Variants in FOXN4 observed in about 807,000 individuals in gnomAD.
FOXN4 encodes forkhead box N4, also known as forkhead box protein N4.
FOXN4 carries 12 observed loss-of-function variants against 45.0 expected under a neutral mutation model. The ratio of observed to expected loss-of-function variants is 0.27; its 90% CI spans 0.17 to 0.43. The LOEUF (loss-of-function observed/expected upper bound fraction) is 0.43. Ranked by LOEUF, FOXN4 falls within the 20% of genes least tolerant of loss-of-function variation. The pLI is 1.00. For missense variants in FOXN4, 560 were observed against 694.9 expected (o/e 0.81, Z 2.18); for synonymous variants, 297 against 295.0 (o/e 1.01, Z -0.07).
chr12:109,285,335 C>T lies in FOXN4; in HGVS notation c.870G>A (p.Leu290=). Residue 290 remains leucine (L), a synonymous_variant, in exon 8 of 10, where the codon CTG becomes CTA. Coordinates refer to ENST00000299162, the MANE Select transcript of FOXN4 (RefSeq NM_213596.3). ...TGGCCATACTCCGGTGGATGGCAGC[C>T]AGGTCCTTCCTCTTCCACTTGTGCA... ...EEMHKWKRKD[L]AAIHRSMANP... is the part of the protein sequence containing the mutation. The T allele has an allele frequency of 6.2e-7, 1 of 1,612,952 alleles. No homozygotes were observed. The highest frequency in any genetic ancestry group is 8.5e-7 in the Non-Finnish European group (1 of 1,179,618).
chr12:109,304,503 G>A (rs532714048), intron 2 of FOXN4, among the ~76,000 whole-genome samples: 11 of 152,260 alleles, frequency 7.2e-5, no homozygotes, highest in Admixed American at 3.3e-4. Flanking sequence ...CCTGTTTACC[G>A]TTGCCCAAGA....
At chr12:109,298,688 G>C (rs2047841693) in intron 2 of FOXN4, among the ~76,000 whole-genome samples, 1 of 152,126 alleles carries the variant, frequency 6.6e-6, no homozygotes, top group African/African-American at 2.4e-5. Context: ...TTGATGCAAA[G>C]ACCCCGACAT....
At chr12:109,280,835 T>G (rs756824848) in intron 9 of FOXN4, among the ~76,000 whole-genome samples, 1 of 152,186 alleles carries the variant, frequency 6.6e-6, no homozygotes, top group African/African-American at 2.4e-5. Flanking sequence ...TCACGTCCCA[T>G]TTATTGGAGA....
chr12:109,304,275 GA>G (rs776180766), intron 2 of FOXN4, among the ~76,000 whole-genome samples: 3 of 72,348 alleles, frequency 4.1e-5, no homozygotes, highest in Non-Finnish European at 6.0e-5. Context: ...AAGAAAGAAA[GA>G]AAGAAAGAAA....
At chr12:109,304,485 G>A (rs1366975659) in intron 2 of FOXN4, among the ~76,000 whole-genome samples, 1 of 152,162 alleles carries the variant, frequency 6.6e-6, no homozygotes, top group African/African-American at 2.4e-5. Flanking sequence ...CCCACATTGA[G>A]CATGAGCCCT....
intron 2 of FOXN4, among the ~76,000 whole-genome samples, chr12:109,293,085 T>C (rs2047784022): frequency 6.6e-6 from 1 of 152,126 alleles, no homozygotes; most frequent in Non-Finnish European, 1.5e-5. Context: ...ATGATGCCCT[T>C]TCTGCTCCCT....
rs747798618 is a variant in FOXN4, at chr12:109,286,639, G to T, written c.693+9C>A. On this transcript the variant is annotated intron_variant, in intron 7 of 9. Transcript: ENST00000299162. ...AGCTCCAGCACCCCTACCCTAGCTT[G>T]GGACTCACCTTGAAGTAGGGGAAGT... The T allele has an allele frequency of 1.7e-5, 27 of 1,604,380 alleles. No homozygotes were observed. In the East Asian group the frequency reaches 6.1e-4, roughly 36 times the overall value.
rs1013162273 is a variant in FOXN4, at chr12:109,298,332, T to G, written c.87-8046A>C. On this transcript the variant is annotated intron_variant, in intron 2 of 9. Transcript: ENST00000299162. ...CCTGTACGGTTCCTTTTGTTTCAGGTTTTTTTTTTTTGTTTTTTTTTTTTG... is the reference window on the plus strand; with the variant it reads ...CCTGTACGGTTCCTTTTGTTTCAGGGTTTTTTTTTTTGTTTTTTTTTTTTG... Among the ~76,000 whole-genome samples the G allele has an allele frequency of 7.4e-5, 8 of 108,312 alleles. No individual in the cohort carries two copies. In the East Asian group the frequency reaches 1.0e-3, roughly 14 times the overall value. 71.1% of individuals were successfully genotyped at this position (108,312 alleles called of 152,430 possible).
chr12:109,299,820 G>A (rs537026794), intron 2 of FOXN4, among the ~76,000 whole-genome samples: 1 of 152,332 alleles, frequency 6.6e-6, no homozygotes, highest in South Asian at 2.1e-4. Flanking sequence ...GGTGTTACCT[G>A]TGTGCCCTTG....
In FOXN4 at chr12:109,290,374, A is replaced by G; in HGVS notation, c.87-88T>C. On this transcript the variant is annotated intron_variant, in intron 2 of 9. Coordinates refer to ENST00000299162, the MANE Select transcript of FOXN4 (RefSeq NM_213596.3). This position sits in a 1 kb window ranked among gnomAD's most constrained non-coding sequence, Gnocchi z 5.1. ...TCCCGACCTCTGGAAGCACCCGCTT[A>G]ATGTGCCTCATCTCCCCAAGCCACG... 7.0e-7 allele frequency: 1 copy of G among 1,421,280 alleles called. No homozygotes were observed. Among genetic ancestry groups the G allele is most frequent in the Non-Finnish European group, 9.3e-7 (1 of 1,074,104 alleles). 88.0% of individuals were successfully genotyped at this position (1,421,280 alleles called of 1,614,324 possible).
rs1355263124 is a variant in FOXN4, at chr12:109,290,339, TG to T, written c.87-54del. 2.0e-6 allele frequency: 3 copies of T among 1,492,466 alleles called. No homozygotes were observed. The highest frequency in any genetic ancestry group is 1.4e-5 in the African/African-American group (1 of 71,564). The allele number at this position is 1,492,466 out of a possible 1,614,324, so 92.5% of individuals were successfully genotyped here. A position where few individuals can be genotyped will look rare whatever the true frequency, so the allele number is the denominator to read the frequency against. ...GGGAGGGGGAGCTTAGGCCAGCTCC[TG>T]GGGGTGCGTCCCGACCTCTGGAAGC... On this transcript the variant is annotated intron_variant, in intron 2 of 9. Transcript: ENST00000299162. The surrounding 1 kb of genome is among the most constrained non-coding windows in gnomAD (Gnocchi z 5.1).
intron 9 of FOXN4, among the ~76,000 whole-genome samples, 194 bp downstream of exon 9, chr12:109,281,213 G>A (rs113827841): frequency 0.025 from 3,741 of 152,220 alleles, 122 homozygotes; most frequent in East Asian, 0.098. Flanking sequence ...GTGTCTTGTC[G>A]GAGCTCAAAA....
intron 8 of FOXN4, among the ~76,000 whole-genome samples, chr12:109,284,282 G>A (rs911088458): frequency 6.6e-6 from 1 of 152,240 alleles, no homozygotes; most frequent in Non-Finnish European, 1.5e-5. Flanking sequence ...TCCTGCCACT[G>A]GATAGGGTTG....
In FOXN4 at chr12:109,287,929, T is replaced by G; in HGVS notation, c.383A>C (p.Gln128Pro). The change falls in exon 5 of 10, where the codon CAG (glutamine) becomes CCG (proline). Residue 128 changes from glutamine to proline, a missense_variant. Physicochemically the swap from Gln to Pro is moderately conservative, Grantham distance 76. Transcript: ENST00000299162. The surrounding 1 kb of genome is among the most constrained non-coding windows in gnomAD (Gnocchi z 4.1). ...CGGGTCCTGCAGGCCAGATGAGGGC[T>G]GGCCCCCCACGGGGAACTGGCTCAT... Reference protein sequence around the residue: ...DSMSQFPVGGQPSSGLQDPPH... With the variant: ...DSMSQFPVGGPPSSGLQDPPH... 1 of 1,549,530 alleles carries G rather than the reference T, an allele frequency of 6.5e-7. No homozygotes were observed. The highest frequency in any genetic ancestry group is 1.7e-4 in the Middle Eastern group (1 of 5,770).
chr12:109,293,882 C>T (rs1457309142), intron 2 of FOXN4, among the ~76,000 whole-genome samples: 1 of 152,194 alleles, frequency 6.6e-6, no homozygotes, highest in Admixed American at 6.5e-5. Flanking sequence ...AGCGGTCTTC[C>T]ACCTCCTCAG....
rs896771021 is a variant in FOXN4 at position 109,287,727 on chromosome 12, T to C, written c.468+117A>G. ...AATGAATGACCCCATGACATGAGCA[T>C]GGAGGGAATGTTATCCCCATGTGCT... On this transcript the variant is annotated intron_variant, in intron 5 of 9. Coordinates refer to ENST00000299162, the MANE Select transcript of FOXN4 (RefSeq NM_213596.3). This position sits in a 1 kb window ranked among gnomAD's most constrained non-coding sequence, Gnocchi z 4.1. The C allele has an allele frequency of 6.2e-6, 7 of 1,136,018 alleles. No homozygotes were observed. Among genetic ancestry groups the C allele is most frequent in the Non-Finnish European group, 8.5e-6 (7 of 820,734 alleles). The allele number at this position is 1,136,018 out of a possible 1,614,324, so 70.4% of individuals were successfully genotyped here.
At chr12:109,284,333 C>T (rs2047680911) in intron 8 of FOXN4, among the ~76,000 whole-genome samples, 1 of 152,194 alleles carries the variant, frequency 6.6e-6, no homozygotes, top group African/African-American at 2.4e-5. Context: ...GGGAGGTTTG[C>T]CAGACGCCTG....
chr12:109,285,452 G>C lies in FOXN4; in HGVS notation c.753C>G (p.Phe251Leu). 6.2e-7 allele frequency: 1 copy of C among 1,614,046 alleles called. No individual in the cohort carries two copies. Among genetic ancestry groups the C allele is most frequent in the Non-Finnish European group, 8.5e-7 (1 of 1,179,954 alleles). ...VRHNLSLNKC[F>L]EKVENKMSGS... is the part of the protein sequence containing the mutation. ...CGCTCATCTTGTTCTCCACCTTCTC[G>C]AAGCACTTGTTCAGAGACAGGTTGT... is the stretch of plus-strand genomic sequence containing the variant. The change falls in exon 8 of 10, where the codon TTC (phenylalanine) becomes TTG (leucine). Residue 251 changes from phenylalanine (F) to leucine (L), a missense_variant. Transcript: ENST00000299162.
rs908823062 is a variant in FOXN4, at chr12:109,288,881, G to C, written c.233-701C>G. ...TCCTTCAGCTCTCTTCTGAGTTCTG[G>C]CTGCCACTGTCCCTAGATCTGTTTG... On this transcript the variant is annotated intron_variant, in intron 3 of 9. Coordinates refer to ENST00000299162, the MANE Select transcript of FOXN4 (RefSeq NM_213596.3). This position sits in a 1 kb window ranked among gnomAD's most constrained non-coding sequence, Gnocchi z 4.3. Among the ~76,000 whole-genome samples, 1 of 152,170 alleles carries C rather than the reference G, an allele frequency of 6.6e-6. No homozygotes were observed. Among genetic ancestry groups the C allele is most frequent in the Non-Finnish European group, 1.5e-5 (1 of 68,022 alleles).
Sources: gnomAD v4.1 joint callset for allele counts (sites outside exome capture counted in the v4.1 genomes callset) on GRCh38, gnomAD v4.1.1 for gene constraint, Gnocchi (gnomAD v3.1) non-coding constraint, MANE v1.5 for transcripts, NCBI Gene and HGNC (gene_info 2026-07-23, HGNC 2026-07-21) for gene names.